Variants in NBEAL1 observed in about 807,000 individuals in gnomAD.
NBEAL1 encodes neurobeachin like 1.
Under a neutral mutation model 351.3 loss-of-function variants are expected in NBEAL1, and 273 were observed. The observed-to-expected ratio is 0.78, with a 90% CI of 0.70 to 0.86. NBEAL1 has a LOEUF of 0.86. NBEAL1 is among the 40% of genes least tolerant of loss of function. The pLI, the probability that NBEAL1 is intolerant of heterozygous loss-of-function variation, is 0.00. For missense variants in NBEAL1, 2,961 were observed against 3,201.3 expected (o/e 0.92, Z 1.81); for synonymous variants, 1,050 against 1,086.4 (o/e 0.97, Z 0.66).
chr2:203,131,751 A>G (rs549556624), intron 25 of NBEAL1, among the ~76,000 whole-genome samples: 21 of 152,294 alleles, frequency 1.4e-4, no homozygotes, highest in Non-Finnish European at 2.2e-4. Flanking sequence ...ATGATGCTCC[A>G]AAAACAAAGT....
chr2:203,180,377 T>G lies in NBEAL1; in HGVS notation c.6465-5T>G. ...ATTTACTTCTCTTTTAATTTCTACATGCAGGTTTGACTGTGCAGATCGACA... is the reference window on the plus strand; with the variant it reads ...ATTTACTTCTCTTTTAATTTCTACAGGCAGGTTTGACTGTGCAGATCGACA... On this transcript the variant is annotated splice_region_variant and splice_polypyrimidine_tract_variant and intron_variant, in intron 42 of 55. Coordinates refer to ENST00000683969, the MANE Select transcript of NBEAL1 (RefSeq NM_001378026.1). 1 of 1,595,480 alleles carries G rather than the reference T, an allele frequency of 6.3e-7. No individual in the cohort carries two copies. The highest frequency in any genetic ancestry group is 8.5e-7 in the Non-Finnish European group (1 of 1,175,242).
At chr2:203,089,721 T>TA (rs368399692) in intron 10 of NBEAL1, among the ~76,000 whole-genome samples, 1 of 152,334 alleles carries the variant, frequency 6.6e-6, no homozygotes, top group African/African-American at 2.4e-5. Context: ...AGGTCAGTCT[T>TA]ATGTTACAAT....
In NBEAL1 at chr2:203,145,006, G is replaced by C; in HGVS notation, c.5155-5G>C. ...TTTATGTATCTTTTTTATTTTTTTGGTAAGATTGTACCTTATATGAAGCAG... is the reference window on the plus strand; with the variant it reads ...TTTATGTATCTTTTTTATTTTTTTGCTAAGATTGTACCTTATATGAAGCAG... On this transcript the variant is annotated splice_polypyrimidine_tract_variant and splice_region_variant and intron_variant, in intron 32 of 55. Coordinates refer to ENST00000683969, the MANE Select transcript of NBEAL1 (RefSeq NM_001378026.1). The C allele has an allele frequency of 1.3e-6, 2 of 1,542,748 alleles. No individual in the cohort carries two copies. Among genetic ancestry groups the C allele is most frequent in the Non-Finnish European group, 1.7e-6 (2 of 1,150,574 alleles).
intron 54 of NBEAL1, 138 bp from the exon 55 acceptor site, chr2:203,213,380 T>C: frequency 1.4e-6 from 1 of 730,582 alleles, no homozygotes; most frequent in Admixed American, 3.0e-5. Context: ...TCACTTAGAC[T>C]TTCTGGACAC....
At position 203,033,717 on chromosome 2, in the gene NBEAL1, T is replaced by C. The variant is rs141020969; in HGVS notation, c.52-8048T>C. Among the ~76,000 whole-genome samples the C allele has an allele frequency of 1.8e-4, 28 of 152,290 alleles. No individual in the cohort carries two copies. In the East Asian group the frequency reaches 5.2e-3, roughly 28 times the overall value. On this transcript the variant is annotated intron_variant, in intron 2 of 55. Transcript: ENST00000683969. ...TATCTATTATCATCCAAGTGAAAAG[T>C]GTTGGGATGAATACTTGGTTAGGAA...
At chr2:203,053,712 C>T (rs910986436) in intron 4 of NBEAL1, among the ~76,000 whole-genome samples, 2 of 151,814 alleles carry the variant, frequency 1.3e-5, no homozygotes, top group Non-Finnish European at 2.9e-5. Flanking sequence ...GAGATGAGGT[C>T]TCACTATATT....
intron 6 of NBEAL1, among the ~76,000 whole-genome samples, chr2:203,064,616 A>G (rs1396473539): frequency 6.6e-6 from 1 of 152,222 alleles, no homozygotes; most frequent in Non-Finnish European, 1.5e-5. Flanking sequence ...CAAGTGAAGA[A>G]CATTCTAATT....
Position 203,066,360 on chromosome 2 carries a change from C to T in NBEAL1, c.516-2033C>T, listed in dbSNP as rs1156909044. 2.1e-5 allele frequency among the ~76,000 whole-genome samples: 3 copies of T among 144,768 alleles called. No individual in the cohort carries two copies. In the Admixed American group the frequency reaches 2.1e-4, roughly 10 times the overall value. 95.0% of individuals were successfully genotyped at this position (144,768 alleles called of 152,430 possible). A position where few individuals can be genotyped will look rare whatever the true frequency, so the allele number is the denominator to read the frequency against. On this transcript the variant is annotated intron_variant, in intron 6 of 55. Transcript: ENST00000683969. Reference sequence around the variant, plus strand: ...TTTTTTCCATTTAAACCTGAGTTGACACAGCACACGTTTCAGAGAGCACGG... The same window carrying T: ...TTTTTTCCATTTAAACCTGAGTTGATACAGCACACGTTTCAGAGAGCACGG...
rs112367766 is a variant in NBEAL1 at position 203,174,751 on chromosome 2, C to A, written c.6324-396C>A. Reference sequence around the variant, plus strand: ...ACTAAAAATAGAAAAATTAGCTGGGCGTGGTGGCAGGCACCTGTAGTCCCA... The same window carrying A: ...ACTAAAAATAGAAAAATTAGCTGGGAGTGGTGGCAGGCACCTGTAGTCCCA... On this transcript the variant is annotated intron_variant, in intron 41 of 55. Transcript: ENST00000683969. 5.9e-3 allele frequency among the ~76,000 whole-genome samples: 900 copies of A among 151,506 alleles called. 13 individuals are homozygous for A. The highest frequency in any genetic ancestry group is 0.02 in the African/African-American group (818 of 41,288).
intron 18 of NBEAL1, among the ~76,000 whole-genome samples, chr2:203,121,967 G>C (rs1044152388): frequency 1.3e-5 from 2 of 151,788 alleles, no homozygotes; most frequent in Non-Finnish European, 2.9e-5. Flanking sequence ...TATATTTTTA[G>C]TAGAGATGGG....
chr2:203,069,820 G>A (rs2061651490), intron 7 of NBEAL1, among the ~76,000 whole-genome samples: 2 of 152,036 alleles, frequency 1.3e-5, no homozygotes, highest in South Asian at 4.2e-4. Context: ...ACCATGCCTG[G>A]CTAATATAAA....
intron 6 of NBEAL1, among the ~76,000 whole-genome samples, chr2:203,067,225 A>G (rs2061608081): frequency 6.6e-6 from 1 of 152,278 alleles, no homozygotes; most frequent in Non-Finnish European, 1.5e-5. Flanking sequence ...AAAATCTTTG[A>G]TAATGGTCTT....
intron 15 of NBEAL1, 119 bp downstream of exon 15, chr2:203,110,401 T>A: frequency 9.5e-7 from 1 of 1,057,094 alleles, no homozygotes; most frequent in Non-Finnish European, 1.4e-6. Flanking sequence ...CTGGGCGCAG[T>A]GGCACACCTG....
intron 26 of NBEAL1, 103 bp downstream of exon 26, chr2:203,132,235 T>C: frequency 2.6e-6 from 2 of 763,342 alleles, no homozygotes; most frequent in Non-Finnish European, 4.1e-6. Context: ...TGTTATTTGA[T>C]TCAGCAGGGC....
At chr2:203,108,558 C>G (rs2062491437) in intron 14 of NBEAL1, among the ~76,000 whole-genome samples, 1 of 152,118 alleles carries the variant, frequency 6.6e-6, no homozygotes, top group African/African-American at 2.4e-5. Flanking sequence ...GCCACCACGC[C>G]CAGCTAATTT....
At chr2:203,027,337 A>G (rs559935031) in intron 2 of NBEAL1, among the ~76,000 whole-genome samples, 1 of 152,382 alleles carries the variant, frequency 6.6e-6, no homozygotes, top group East Asian at 1.9e-4. Flanking sequence ...GTCTTAAAAA[A>G]TGAAAAAATA....
chr2:203,136,523 T>C (rs1184561477), intron 28 of NBEAL1, 76 bp from the exon 29 acceptor site: 2 of 1,042,154 alleles, frequency 1.9e-6, no homozygotes, highest in African/African-American at 3.2e-5. Flanking sequence ...ACAATGAGTA[T>C]ATGTAATGGT....
chr2:203,046,735 A>C (rs549727893), intron 3 of NBEAL1, among the ~76,000 whole-genome samples: 1 of 152,332 alleles, frequency 6.6e-6, no homozygotes, highest in South Asian at 2.1e-4. Flanking sequence ...CCATGAGGGC[A>C]GAGCCTTCTT....
intron 2 of NBEAL1, chr2:203,040,562 C>T: frequency 1.5e-6 from 1 of 668,138 alleles, no homozygotes. Flanking sequence ...CGGGAACTCA[C>T]TTGGAAACAT....
Sources: gnomAD v4.1 joint callset for allele counts (sites outside exome capture counted in the v4.1 genomes callset) on GRCh38, gnomAD v4.1.1 for gene constraint, MANE v1.5 for transcripts, NCBI Gene and HGNC (gene_info 2026-07-23, HGNC 2026-07-21) for gene names.